PTPRD: variants seen among roughly 807,000 people sequenced by gnomAD.
The protein encoded by PTPRD is receptor-type tyrosine-protein phosphatase delta.
PTPRD carries 34 observed loss-of-function variants against 214.5 expected under a neutral mutation model. The ratio of observed to expected loss-of-function variants is 0.16; its 90% CI spans 0.12 to 0.21. The LOEUF (loss-of-function observed/expected upper bound fraction) is 0.21. PTPRD is among the 10% of genes least tolerant of loss of function. PTPRD has a pLI of 1.00. For synonymous variants in PTPRD, 1,128 were observed against 845.7 expected, an observed-to-expected ratio of 1.33 and a Z score of -5.79; for missense variants, 2,545 against 2,398.7, an observed-to-expected ratio of 1.06 and a Z score of -1.27.
intron 3 of PTPRD, among the ~76,000 whole-genome samples, chr9:10,093,204 A>G (rs1176245663): frequency 6.6e-6 from 1 of 151,578 alleles, no homozygotes; most frequent in African/African-American, 2.4e-5. Flanking sequence ...CTATGCATCA[A>G]GAAAAGTCTA....
chr9:9,248,185 C>T (rs906835584), intron 9 of PTPRD, among the ~76,000 whole-genome samples: 2 of 152,018 alleles, frequency 1.3e-5, no homozygotes, highest in African/African-American at 4.8e-5. Context: ...CTTTAACTCC[C>T]AGGTTCAAGT....
Position 8,418,009 on chromosome 9 carries a change from A to C in PTPRD, c.4087-13349T>G, listed in dbSNP as rs754168517. 1.2e-4 allele frequency among the ~76,000 whole-genome samples: 18 copies of C among 152,164 alleles called. No homozygotes were observed. In the Middle Eastern group the frequency reaches 0.024, roughly 201 times the overall value. ...TTGTATTATGTTGCTTCCTGTACTGATTTAATGTTCTTTAAAGTCAGGAAT... is the reference window on the plus strand; with the variant it reads ...TTGTATTATGTTGCTTCCTGTACTGCTTTAATGTTCTTTAAAGTCAGGAAT... On this transcript the variant is annotated intron_variant, in intron 35 of 45. Coordinates refer to ENST00000381196, the MANE Select transcript of PTPRD (RefSeq NM_002839.4).
chr9:9,814,877 G>A (rs2048276305), intron 5 of PTPRD, among the ~76,000 whole-genome samples: 1 of 141,084 alleles, frequency 7.1e-6, no homozygotes, highest in African/African-American at 2.7e-5. Context: ...ACGGTTCACT[G>A]CAGCCTCAAC....
chr9:10,204,404 G>C (rs1172080165), intron 3 of PTPRD, among the ~76,000 whole-genome samples: 1 of 152,046 alleles, frequency 6.6e-6, no homozygotes, highest in Non-Finnish European at 1.5e-5. Context: ...AAGGCCAGAT[G>C]TTTCCACACT....
At chr9:9,568,310 G>C (rs527795107) in intron 8 of PTPRD, among the ~76,000 whole-genome samples, 11 of 151,824 alleles carry the variant, frequency 7.2e-5, no homozygotes, top group Non-Finnish European at 1.0e-4. Context: ...TGGAAGACTT[G>C]AGAAAATAAA....
chr9:8,424,687 A>AG (rs1182136102), intron 35 of PTPRD, among the ~76,000 whole-genome samples: 17 of 220 alleles, frequency 0.077, no homozygotes, highest in Non-Finnish European at 0.14. Context: ...GGGACTGGGA[A>AG]GAAAAGGGAA....
chr9:8,665,013 A>C (rs1381444400), intron 12 of PTPRD, among the ~76,000 whole-genome samples: 1 of 152,214 alleles, frequency 6.6e-6, no homozygotes, highest in Non-Finnish European at 1.5e-5. Context: ...TTAGCAGAAC[A>C]CTAAAATCTA....
At chr9:10,558,122 A>AAT (rs1396196869) in intron 2 of PTPRD, among the ~76,000 whole-genome samples, 7 of 152,144 alleles carry the variant, frequency 4.6e-5, no homozygotes, top group Admixed American at 3.9e-4. Flanking sequence ...GGACAAGGCT[A>AAT]ATATGCTGAA....
At chr9:9,210,182 G>A (rs761893124) in intron 9 of PTPRD, among the ~76,000 whole-genome samples, 1 of 152,138 alleles carries the variant, frequency 6.6e-6, no homozygotes, top group Non-Finnish European at 1.5e-5. Flanking sequence ...GGAAAAGAGA[G>A]CCAGCATCTC....
intron 36 of PTPRD, among the ~76,000 whole-genome samples, chr9:8,393,758 A>C (rs146506938): frequency 7.0e-4 from 106 of 152,294 alleles, no homozygotes; most frequent in African/African-American, 2.4e-3. Context: ...TTAGCCTTCT[A>C]ATCTTACACA....
At chr9:9,292,579 T>C (rs915495449) in intron 9 of PTPRD, among the ~76,000 whole-genome samples, 4 of 151,536 alleles carry the variant, frequency 2.6e-5, no homozygotes, top group Non-Finnish European at 5.9e-5. Flanking sequence ...GGTGAATTTG[T>C]CTCAATTAAT....
chr9:10,133,230 C>T (rs754803379), intron 3 of PTPRD, among the ~76,000 whole-genome samples: 8 of 151,960 alleles, frequency 5.3e-5, no homozygotes, highest in Non-Finnish European at 8.8e-5. Context: ...CCAGGTGATA[C>T]AGAGGAGAAC....
chr9:8,890,278 A>T lies in PTPRD; in HGVS notation c.-104+128419T>A, dbSNP rs150223214. 1.1e-3 allele frequency among the ~76,000 whole-genome samples: 162 copies of T among 152,356 alleles called. 1 individual carries two copies. The highest frequency in any genetic ancestry group is 3.6e-3 in the African/African-American group (151 of 41,590). ...AGAATGAAAAATACAGAAGGGTAAC[A>T]TTACCTAGATACATCAGGAAACAGT... On this transcript the variant is annotated intron_variant, in intron 11 of 45. Transcript: ENST00000381196.
intron 10 of PTPRD, among the ~76,000 whole-genome samples, chr9:9,115,521 C>T (rs1471740813): frequency 2.0e-5 from 3 of 152,106 alleles, no homozygotes; most frequent in Admixed American, 1.3e-4. Flanking sequence ...TGCTTATACA[C>T]TGTTGGTGGG....
At chr9:9,186,227 A>C (rs1477126345) in intron 9 of PTPRD, among the ~76,000 whole-genome samples, 3 of 152,146 alleles carry the variant, frequency 2.0e-5, no homozygotes, top group Non-Finnish European at 4.4e-5. Flanking sequence ...GGGGAGAGAA[A>C]GAAATGAACA....
At chr9:9,478,236 G>C (rs1305314840) in intron 8 of PTPRD, among the ~76,000 whole-genome samples, 2 of 152,160 alleles carry the variant, frequency 1.3e-5, no homozygotes, top group African/African-American at 2.4e-5. Context: ...TTATGCTACA[G>C]ATTAACTGCA....
Position 10,004,130 on chromosome 9 carries a change from T to C in PTPRD, c.-472+29588A>G, listed in dbSNP as rs575507598. Among the ~76,000 whole-genome samples, 3 of 151,832 alleles carry C rather than the reference T, an allele frequency of 2.0e-5. No individual in the cohort carries two copies. The South Asian group carries it at 6.2e-4, about 31-fold the overall frequency. ...ATGTGGCTACAAAAAAGAAAAGAAA[T>C]ATATAGCCCCTGACATAGAAAGGTT... On this transcript the variant is annotated intron_variant, in intron 4 of 45. Transcript: ENST00000381196.
chr9:9,248,499 C>A (rs1040205494), intron 9 of PTPRD, among the ~76,000 whole-genome samples: 15 of 151,992 alleles, frequency 9.9e-5, no homozygotes, highest in African/African-American at 3.4e-4. Context: ...GTTAGGGCAA[C>A]ATTTAGTAAG....
intron 14 of PTPRD, among the ~76,000 whole-genome samples, chr9:8,544,889 CTTTT>C (rs869280997): frequency 5.9e-5 from 7 of 118,726 alleles, no homozygotes; most frequent in Non-Finnish European, 8.6e-5. Flanking sequence ...AAAGACAGTC[CTTTT>C]TTTTTTTTTT....
Sources: allele counts gnomAD v4.1 joint callset (sites outside exome capture counted in the v4.1 genomes callset), GRCh38; gene constraint gnomAD v4.1.1; transcripts MANE v1.5; gene names NCBI Gene and HGNC (gene_info 2026-07-23, HGNC 2026-07-21).